The following FGF12 variants were observed in gnomAD, a reference collection of about 807,000 sequenced individuals.
FGF12 encodes fibroblast growth factor 12B.
FGF12 carries 14 observed loss-of-function variants against 23.6 expected under a neutral mutation model. That is an observed-to-expected ratio of 0.59 (90% confidence interval 0.39 to 0.93). The LOEUF (loss-of-function observed/expected upper bound fraction) is 0.93. Among genes scored for constraint, FGF12 ranks in the 40% least tolerant of loss-of-function variants. The probability of loss-of-function intolerance (pLI) is 0.00; values close to 1 mark genes in which losing one functional copy is unlikely to be tolerated. For synonymous variants in FGF12, 62 were observed against 77.3 expected (o/e 0.80, Z 1.04); for missense variants, 175 against 217.8 (o/e 0.80, Z 1.24).
rs376808448 is a variant in FGF12, at chr3:192,226,407, G to T, written c.229-55751C>A. ...TCCATTTGAAACATGAACATGCTGA[G>T]ATCCTTAAAATAAGAATAAGGCAGA... is the stretch of plus-strand genomic sequence containing the variant. On this transcript the variant is annotated intron_variant, in intron 4 of 5. Coordinates refer to ENST00000445105, the MANE Select transcript of FGF12 (RefSeq NM_004113.6). Among the ~76,000 whole-genome samples the T allele has an allele frequency of 1.6e-3, 236 of 152,156 alleles. 1 individual carries two copies. Among genetic ancestry groups the T allele is most frequent in the South Asian group, 0.013 (62 of 4,812 alleles).
chr3:192,167,649 C>T (rs772762866), intron 5 of FGF12, among the ~76,000 whole-genome samples: 6 of 146,418 alleles, frequency 4.1e-5, no homozygotes, highest in Admixed American at 1.4e-4. Context: ...CAGTTGTACA[C>T]GTACATGCTC....
chr3:192,654,121 T>C (rs1401216285), intron 2 of FGF12, among the ~76,000 whole-genome samples: 6 of 152,244 alleles, frequency 3.9e-5, no homozygotes, highest in Admixed American at 3.9e-4. Context: ...ATTTTGCCAC[T>C]GTATAAACAA....
chr3:192,667,678 C>G (rs1001283732), intron 2 of FGF12, among the ~76,000 whole-genome samples: 11 of 150,502 alleles, frequency 7.3e-5, no homozygotes, highest in African/African-American at 2.7e-4. Context: ...GGAAGTATCC[C>G]TGATAGAGGG....
chr3:192,537,064 GT>G (rs1373763154), intron 2 of FGF12, among the ~76,000 whole-genome samples: 2 of 152,052 alleles, frequency 1.3e-5, no homozygotes, highest in African/African-American at 4.8e-5. Context: ...TTATCTTTCT[GT>G]GCCTGGCTTA....
chr3:192,608,715 T>G (rs927525931), intron 2 of FGF12, among the ~76,000 whole-genome samples: 13 of 152,116 alleles, frequency 8.5e-5, no homozygotes, highest in Non-Finnish European at 1.3e-4. Flanking sequence ...TATTGCTACT[T>G]TACTGTGAAC....
chr3:192,665,423 T>C (rs1577108341), intron 2 of FGF12, among the ~76,000 whole-genome samples: 3 of 152,176 alleles, frequency 2.0e-5, no homozygotes, highest in Admixed American at 1.3e-4. Flanking sequence ...TGGAATACTA[T>C]GCAGCCATAA....
intron 4 of FGF12, among the ~76,000 whole-genome samples, chr3:192,248,121 T>A (rs78535452): frequency 0.011 from 1,747 of 152,304 alleles, 27 homozygotes; most frequent in African/African-American, 0.029. Flanking sequence ...CTACTTCCTC[T>A]AGGACAAATT....
chr3:192,668,566 C>T (rs1716984230), intron 2 of FGF12, among the ~76,000 whole-genome samples: 1 of 152,152 alleles, frequency 6.6e-6, no homozygotes, highest in South Asian at 2.1e-4. Context: ...TGCTGGTTTT[C>T]TGCTGGTACA....
At chr3:192,347,271 C>T (rs1718008069) in intron 3 of FGF12, among the ~76,000 whole-genome samples, 1 of 152,172 alleles carries the variant, frequency 6.6e-6, no homozygotes, top group Non-Finnish European at 1.5e-5. Context: ...CCAAACCTTG[C>T]TGCTCAAAGT....
chr3:192,476,115 C>T (rs527761760), intron 2 of FGF12, among the ~76,000 whole-genome samples: 18 of 152,002 alleles, frequency 1.2e-4, no homozygotes, highest in Non-Finnish European at 2.1e-4. Context: ...AGATGACACC[C>T]GAAAGACTTT....
At position 192,438,705 on chromosome 3, in the gene FGF12, A is replaced by G. The variant is rs149603305; in HGVS notation, c.14-78167T>C. ...GAAACATTCATGTCAAAGATTGATG[A>G]TTTGTGAGTATTCCAATAACAACGT... On this transcript the variant is annotated intron_variant, in intron 2 of 5. Coordinates refer to ENST00000445105, the MANE Select transcript of FGF12 (RefSeq NM_004113.6). Among the ~76,000 whole-genome samples, 53 of 152,336 alleles carry G rather than the reference A, an allele frequency of 3.5e-4. No homozygotes were observed. In the East Asian group the frequency reaches 9.6e-3, roughly 28 times the overall value.
intron 2 of FGF12, among the ~76,000 whole-genome samples, chr3:192,715,680 G>A (rs761712204): frequency 1.9e-4 from 29 of 152,220 alleles, no homozygotes; most frequent in Non-Finnish European, 7.3e-5. Context: ...CAGACAATGT[G>A]ATGGTAAAAG....
intron 5 of FGF12, among the ~76,000 whole-genome samples, chr3:192,167,769 AAAATTTTTTT>A (rs1349067759): frequency 1.3e-4 from 5 of 38,842 alleles, no homozygotes; most frequent in Non-Finnish European, 2.0e-4. Flanking sequence ...ATATATATAT[AAAATTTTTTT>A]TTTTTTTTTT....
At chr3:192,216,518 T>C (rs776603888) in intron 4 of FGF12, among the ~76,000 whole-genome samples, 3 of 152,200 alleles carry the variant, frequency 2.0e-5, no homozygotes, top group Non-Finnish European at 2.9e-5. Context: ...AAACTTGGTT[T>C]CCCTTTATAT....
At chr3:192,349,801 T>C (rs1199265696) in intron 3 of FGF12, among the ~76,000 whole-genome samples, 1 of 152,114 alleles carries the variant, frequency 6.6e-6, no homozygotes, top group Non-Finnish European at 1.5e-5. Context: ...ATGGTCCCAT[T>C]AGCATTAATT....
chr3:192,666,020 G>A (rs993377760), intron 2 of FGF12, among the ~76,000 whole-genome samples: 1 of 152,074 alleles, frequency 6.6e-6, no homozygotes, highest in African/African-American at 2.4e-5. Flanking sequence ...TAGTACTTAT[G>A]CAGTTAAAAC....
chr3:192,369,706 C>T (rs536353819), intron 2 of FGF12, among the ~76,000 whole-genome samples: 1 of 152,280 alleles, frequency 6.6e-6, no homozygotes, highest in East Asian at 1.9e-4. Flanking sequence ...GTTCCAGCAC[C>T]ATTTATTGAC....
chr3:192,339,275 T>G (rs1717573614), intron 3 of FGF12, among the ~76,000 whole-genome samples: 1 of 152,198 alleles, frequency 6.6e-6, no homozygotes, highest in South Asian at 2.1e-4. Context: ...CAGAGTAGCA[T>G]ACTGTGGCTC....
intron 2 of FGF12, among the ~76,000 whole-genome samples, chr3:192,511,758 C>T (rs1724485037): frequency 6.6e-6 from 1 of 152,004 alleles, no homozygotes; most frequent in African/African-American, 2.4e-5. Flanking sequence ...AGAATTTAGC[C>T]TTAAACAATC....
Sources: gnomAD v4.1 joint callset for allele counts (sites outside exome capture counted in the v4.1 genomes callset) on GRCh38, gnomAD v4.1.1 for gene constraint, MANE v1.5 for transcripts, NCBI Gene and HGNC (gene_info 2026-07-23, HGNC 2026-07-21) for gene names.